RANBP17: variants seen among roughly 807,000 people sequenced by gnomAD.
RANBP17 encodes the protein RAN binding protein 17.
In RANBP17, 158 loss-of-function variants were observed where a neutral mutation model predicts 141.2. That is an observed-to-expected ratio of 1.12 (90% CI 0.98 to 1.28). The LOEUF is 1.28. RANBP17 is among the 50% of genes most tolerant of loss of function. RANBP17 has a pLI of 0.00. For synonymous variants in RANBP17, 430 were observed against 450.0 expected, an observed-to-expected ratio of 0.96 and a Z score of 0.56; for missense variants, 1,438 against 1,290.7, an observed-to-expected ratio of 1.11 and a Z score of -1.75.
intron 14 of RANBP17, chr5:170,970,544 TTCCC>T (rs1400320692): frequency 1.3e-5 from 2 of 152,132 alleles, no homozygotes; most frequent in Non-Finnish European, 2.9e-5. Flanking sequence ...AAGAAAATGT[TTCCC>T]CTGCTTAATT....
At chr5:171,212,136 G>C (rs1762933149) in intron 20 of RANBP17, among the ~76,000 whole-genome samples, 1 of 152,200 alleles carries the variant, frequency 6.6e-6, no homozygotes, top group African/African-American at 2.4e-5. Flanking sequence ...TGCATGTGAT[G>C]TCAGAGAAGG....
intron 19 of RANBP17, among the ~76,000 whole-genome samples, chr5:171,202,712 C>T (rs539128501): frequency 6.6e-6 from 1 of 152,282 alleles, no homozygotes; most frequent in East Asian, 1.9e-4. Flanking sequence ...TCTGACACGG[C>T]TCTTTTGTTG....
chr5:171,148,571 T>G (rs1470868090), intron 14 of RANBP17, among the ~76,000 whole-genome samples: 1 of 151,950 alleles, frequency 6.6e-6, no homozygotes, highest in Non-Finnish European at 1.5e-5. Flanking sequence ...CTGTCTAGTA[T>G]TGAGGTACTT....
intron 14 of RANBP17, chr5:170,983,048 C>G (rs1054720015): frequency 4.0e-6 from 2 of 498,248 alleles, no homozygotes; most frequent in Non-Finnish European, 7.8e-6. Flanking sequence ...CTTTACTTCT[C>G]TTATATCTTT....
In RANBP17 at chr5:170,953,523, T is replaced by C. The variant is rs1171010460; in HGVS notation, c.1469-74T>C. On this transcript the variant is annotated intron_variant, in intron 12 of 27. Coordinates refer to ENST00000523189, the MANE Select transcript of RANBP17 (RefSeq NM_022897.5). ...GGAAGAACAGATCATTGTGCTGATT[T>C]TGGAATTTCCCCCAAGATAAGCTAC... The C allele has an allele frequency of 5.5e-6, 5 of 915,854 alleles. No homozygotes were observed. The East Asian group carries it at 1.2e-4, about 22-fold the overall frequency. The allele number at this position is 915,854 out of a possible 1,614,324, so 56.7% of individuals were successfully genotyped here. A position where few individuals can be genotyped will look rare whatever the true frequency, so the allele number is the denominator to read the frequency against.
intron 15 of RANBP17, among the ~76,000 whole-genome samples, chr5:171,170,424 G>A (rs1255244590): frequency 2.6e-5 from 4 of 152,006 alleles, no homozygotes; most frequent in Admixed American, 6.6e-5. Context: ...TCCATACAAC[G>A]GCAGCGTGCA....
chr5:171,170,664 CATT>C (rs1246245688), intron 15 of RANBP17, among the ~76,000 whole-genome samples: 5 of 152,130 alleles, frequency 3.3e-5, no homozygotes, highest in African/African-American at 1.2e-4. Context: ...GGACTTATAA[CATT>C]AGCAGAATAA....
intron 14 of RANBP17, among the ~76,000 whole-genome samples, chr5:170,969,065 A>G (rs1776799975): frequency 6.6e-6 from 1 of 151,792 alleles, no homozygotes; most frequent in African/African-American, 2.4e-5. Context: ...AGGATTTTTT[A>G]TTTGAAAATT....
chr5:171,112,784 T>G (rs1581662789), intron 14 of RANBP17, among the ~76,000 whole-genome samples: 1 of 152,144 alleles, frequency 6.6e-6, no homozygotes, highest in Non-Finnish European at 1.5e-5. Flanking sequence ...TGGGACACAA[T>G]CTGCCATTTT....
intron 14 of RANBP17, among the ~76,000 whole-genome samples, chr5:170,977,691 T>G (rs13164187): frequency 6.6e-6 from 1 of 151,890 alleles, no homozygotes; most frequent in East Asian, 1.9e-4. Flanking sequence ...ATAGATGCCG[T>G]AACAAGTATG....
intron 1 of RANBP17, among the ~76,000 whole-genome samples, chr5:170,864,757 C>T (rs1162043597): frequency 2.0e-5 from 3 of 151,690 alleles, no homozygotes; most frequent in Non-Finnish European, 4.4e-5. Flanking sequence ...TATAGCCATG[C>T]TTCTTAATCT....
intron 5 of RANBP17, chr5:170,896,882 A>C (rs192080819): frequency 3.6e-6 from 2 of 551,366 alleles, no homozygotes; most frequent in Non-Finnish European, 6.7e-6. Flanking sequence ...GGCCCAATGC[A>C]GAGGCCGGCG....
At chr5:170,958,381 G>A (rs775413200) in intron 13 of RANBP17, among the ~76,000 whole-genome samples, 3 of 152,082 alleles carry the variant, frequency 2.0e-5, no homozygotes, top group Non-Finnish European at 4.4e-5. Context: ...TCTTTTCTGG[G>A]GCTACAAGAC....
At chr5:171,188,530 A>T (rs1408033570) in intron 18 of RANBP17, among the ~76,000 whole-genome samples, 1 of 152,198 alleles carries the variant, frequency 6.6e-6, no homozygotes, top group Admixed American at 6.5e-5. Flanking sequence ...ACCTTGAAAC[A>T]TTTGTCTGGA....
chr5:170,931,303 G>A (rs1390088877), intron 12 of RANBP17, among the ~76,000 whole-genome samples: 1 of 152,148 alleles, frequency 6.6e-6, no homozygotes, highest in Non-Finnish European at 1.5e-5. Context: ...TGTAGATTCT[G>A]GATATTAGCC....
chr5:171,286,367 G>A (rs1426373635), intron 25 of RANBP17, among the ~76,000 whole-genome samples: 1 of 152,288 alleles, frequency 6.6e-6, no homozygotes, highest in East Asian at 1.9e-4. Context: ...ATTGATTGCA[G>A]TCTTGTTTTT....
chr5:171,061,584 ATG>A (rs1308993350), intron 14 of RANBP17, among the ~76,000 whole-genome samples: 1 of 152,042 alleles, frequency 6.6e-6, no homozygotes, highest in Non-Finnish European at 1.5e-5. Flanking sequence ...ACTTCCAACT[ATG>A]TGGTGAATTT....
intron 22 of RANBP17, 37 bp downstream of exon 22, chr5:171,221,877 G>C: frequency 8.8e-7 from 1 of 1,135,244 alleles, no homozygotes; most frequent in Middle Eastern, 2.0e-4. Context: ...CTGCAATATA[G>C]TTTTATCTCT....
intron 14 of RANBP17, among the ~76,000 whole-genome samples, chr5:171,158,180 TATAAAAC>T (rs1322222094): frequency 6.6e-6 from 1 of 152,222 alleles, no homozygotes; most frequent in Non-Finnish European, 1.5e-5. Context: ...AGCACTTGGT[TATAAAAC>T]ATAAATGCAA....
Sources: allele counts gnomAD v4.1 joint callset (sites outside exome capture counted in the v4.1 genomes callset), GRCh38; gene constraint gnomAD v4.1.1; transcripts MANE v1.5; gene names NCBI Gene and HGNC (gene_info 2026-07-23, HGNC 2026-07-21).